Variants in LMOD3 observed in about 807,000 individuals in gnomAD.
LMOD3 encodes leiomodin 3.
LMOD3 carries 31 observed loss-of-function variants against 41.8 expected under a neutral mutation model. The ratio of observed to expected loss-of-function variants is 0.74; its 90% CI spans 0.56 to 1.00. LMOD3 has a LOEUF of 1.00. LMOD3 is among the 50% of genes least tolerant of loss of function. LMOD3 has a pLI of 0.00. For synonymous variants in LMOD3, 292 were observed against 241.9 expected, an observed-to-expected ratio of 1.21 and a Z score of -1.92; for missense variants, 755 against 679.5, an observed-to-expected ratio of 1.11 and a Z score of -1.23.
chr3:69,107,461 T>G lies in LMOD3; in HGVS notation c.*1634A>C, dbSNP rs901022630. The G allele has an allele frequency of 2.4e-5, 2 of 84,096 alleles. No individual in the cohort carries two copies. Among genetic ancestry groups the G allele is most frequent in the South Asian group, 4.7e-4 (1 of 2,148 alleles). The allele number at this position is 84,096 out of a possible 1,614,324, so 5.2% of individuals were successfully genotyped here. A position where few individuals can be genotyped will look rare whatever the true frequency, so the allele number is the denominator to read the frequency against. On this transcript the variant is annotated 3_prime_UTR_variant, in exon 3 of 3. Coordinates refer to ENST00000420581, the MANE Select transcript of LMOD3 (RefSeq NM_198271.5). ...GAGAAAAGGCACCAAAGGTTTTTTT[T>G]TTTTTTTTTTTTTTTTTTTTTTTTT...
rs373817195 is a variant in LMOD3 at position 69,106,693 on chromosome 3, A to ATTTT, written c.*2398_*2401dup. On this transcript the variant is annotated 3_prime_UTR_variant, in exon 3 of 3. Coordinates refer to ENST00000420581, the MANE Select transcript of LMOD3 (RefSeq NM_198271.5). ...AACAAATGCATAGGGGCTTTCTAGAATTTTTTTTTTTTTTTTGAGATGAGG... is the reference window on the plus strand; with the variant it reads ...AACAAATGCATAGGGGCTTTCTAGAATTTTTTTTTTTTTTTTTTTTGAGATGAGG... Among the ~76,000 whole-genome samples the ATTTT allele has an allele frequency of 7.9e-3, 1,090 of 137,686 alleles. 94 individuals carry two copies. The East Asian group carries it at 0.19, about 25-fold the overall frequency. 90.3% of individuals were successfully genotyped at this position (137,686 alleles called of 152,430 possible).
chr3:69,116,314 A>G (rs1027564005), intron 2 of LMOD3, among the ~76,000 whole-genome samples: 1 of 152,218 alleles, frequency 6.6e-6, no homozygotes, highest in African/African-American at 2.4e-5. Context: ...TAACTGAGAC[A>G]CATGCAAACA....
At chr3:69,110,285 A>C (rs1257633776) in intron 2 of LMOD3, among the ~76,000 whole-genome samples, 2 of 151,606 alleles carry the variant, frequency 1.3e-5, no homozygotes, top group Non-Finnish European at 2.9e-5. Flanking sequence ...GCTGGAGTGG[A>C]GTGGCATGAT....
intron 2 of LMOD3, among the ~76,000 whole-genome samples, chr3:69,110,132 C>T (rs2092341458): frequency 6.6e-6 from 1 of 152,110 alleles, no homozygotes; most frequent in Non-Finnish European, 1.5e-5. Flanking sequence ...CACCTGTAAT[C>T]CTGGCTACTC....
rs2092393189 is a variant in LMOD3 at position 69,119,175 on chromosome 3, G to T, written c.1180C>A (p.Gln394Lys). 1 of 1,613,714 alleles carries T rather than the reference G, an allele frequency of 6.2e-7. No homozygotes were observed. Among genetic ancestry groups the T allele is most frequent in the African/African-American group, 1.3e-5 (1 of 74,882 alleles). The change falls in exon 2 of 3, where the codon CAG (glutamine) becomes AAG (lysine). Residue 394 changes from glutamine (Q) to lysine (K), a missense_variant. Transcript: ENST00000420581. ...TGTCGTTTCTGCCTTTGTTTATCCT[G>T]ATTCCTGGTGAGCAGATTAGTGACC... ...MVVTNLLTRN[Q>K]DKQRQKRQEE...
At chr3:69,121,212 A>G (rs4855548) in intron 1 of LMOD3, among the ~76,000 whole-genome samples, 4,586 of 152,256 alleles carry the variant, frequency 0.03, 285 homozygotes, top group East Asian at 0.22. Flanking sequence ...AAAATCTGCA[A>G]ATTGTACCTT....
At chr3:69,112,494 A>G (rs1032097995) in intron 2 of LMOD3, among the ~76,000 whole-genome samples, 3 of 152,216 alleles carry the variant, frequency 2.0e-5, no homozygotes, top group African/African-American at 4.8e-5. Context: ...AGAGGTGTGG[A>G]CAAAAAAGGT....
At chr3:69,111,757 A>G (rs1349772026) in intron 2 of LMOD3, among the ~76,000 whole-genome samples, 2 of 152,192 alleles carry the variant, frequency 1.3e-5, no homozygotes, top group Non-Finnish European at 2.9e-5. Flanking sequence ...AATATTTTAA[A>G]AAGAAAATGT....
At position 69,107,462 on chromosome 3, in the gene LMOD3, T is replaced by TG. The variant is rs1559656833; in HGVS notation, c.*1632_*1633insC. ...AGAAAAGGCACCAAAGGTTTTTTTT[T>TG]TTTTTTTTTTTTTTTTTTTTTTTTT... On this transcript the variant is annotated 3_prime_UTR_variant, in exon 3 of 3. Coordinates refer to ENST00000420581, the MANE Select transcript of LMOD3 (RefSeq NM_198271.5). 15 of 86,102 alleles carry TG rather than the reference T, an allele frequency of 1.7e-4. No individual in the cohort carries two copies. The East Asian group carries it at 1.9e-3, about 11-fold the overall frequency. 5.3% of individuals were successfully genotyped at this position (86,102 alleles called of 1,614,324 possible).
rs764920392 is a variant in LMOD3, at chr3:69,115,519, A to ACACACACACACAC, written c.1656+3179_1656+3180insGTGTGTGTGTGTG. On this transcript the variant is annotated intron_variant, in intron 2 of 2. Coordinates refer to ENST00000420581, the MANE Select transcript of LMOD3 (RefSeq NM_198271.5). ...ACACACACACACACACACACACACA[A>ACACACACACACAC]AACTTTTCTAAGAAAAAAATTTGTT... is the stretch of plus-strand genomic sequence containing the variant. 9.4e-4 allele frequency among the ~76,000 whole-genome samples: 135 copies of ACACACACACACAC among 143,436 alleles called. 1 individual carries two copies. Among genetic ancestry groups the ACACACACACACAC allele is most frequent in the Middle Eastern group, 3.5e-3 (1 of 282 alleles). The allele number at this position is 143,436 out of a possible 152,430, so 94.1% of individuals were successfully genotyped here.
chr3:69,119,333 G>A lies in LMOD3; in HGVS notation c.1022C>T (p.Thr341Ile), dbSNP rs2092394425. ...MRCLQFNETL[T>I]ELRFHNQRHM... is the part of the protein sequence containing the mutation. ...CCTCTGATTGTGAAACCGAAGCTCA[G>A]TTAGCGTCTCATTAAACTGGAGACA... is the stretch of plus-strand genomic sequence containing the variant. Residue 341 changes from threonine (T) to isoleucine (I), a missense_variant, in exon 2 of 3, where the codon ACT becomes ATT. Thr to Ile is a moderately conservative substitution (Grantham distance 89). Coordinates refer to ENST00000420581, the MANE Select transcript of LMOD3 (RefSeq NM_198271.5). The A allele has an allele frequency of 1.2e-6, 2 of 1,613,802 alleles. No homozygotes were observed. The highest frequency in any genetic ancestry group is 2.7e-5 in the African/African-American group (2 of 74,902).
intron 2 of LMOD3, among the ~76,000 whole-genome samples, chr3:69,115,310 C>A (rs2092366517): frequency 6.6e-6 from 1 of 151,648 alleles, no homozygotes; most frequent in African/African-American, 2.4e-5. Context: ...AGTGAGATCT[C>A]ATCCCTACAA....
At chr3:69,111,457 A>G (rs2092349939) in intron 2 of LMOD3, among the ~76,000 whole-genome samples, 1 of 152,390 alleles carries the variant, frequency 6.6e-6, no homozygotes, top group African/African-American at 2.4e-5. Context: ...TGCAATAAAT[A>G]GTTAAAACAC....
chr3:69,118,673 C>A (rs374969869), intron 2 of LMOD3, 26 bp downstream of exon 2: 2 of 1,593,928 alleles, frequency 1.3e-6, no homozygotes, highest in Non-Finnish European at 1.7e-6. Context: ...GGTGCTCAGT[C>A]ACCATTTCTC....
chr3:69,120,668 C>G (rs1175159156), intron 1 of LMOD3, among the ~76,000 whole-genome samples: 2 of 150,486 alleles, frequency 1.3e-5, no homozygotes, highest in Admixed American at 1.3e-4. Flanking sequence ...TATTTAAAAC[C>G]TCAATTTTGA....
At position 69,107,427 on chromosome 3, in the gene LMOD3, TAAA is replaced by T. The variant is rs2092327535; in HGVS notation, c.*1665_*1667del. On this transcript the variant is annotated 3_prime_UTR_variant, in exon 3 of 3. Transcript: ENST00000420581. ...GGCAGGTGCCAATTATTTACTCAGG[TAAA>T]GAAGAGAGAAAAGGCACCAAAGGTT... 7.8e-6 allele frequency: 1 copy of T among 128,348 alleles called. No homozygotes were observed. Among genetic ancestry groups the T allele is most frequent in the African/African-American group, 2.9e-5 (1 of 34,466 alleles). The allele number at this position is 128,348 out of a possible 1,614,324, so 8.0% of individuals were successfully genotyped here.
Position 69,122,481 on chromosome 3 carries a change from AC to A in LMOD3, c.-96del, listed in dbSNP as rs1456488615. The A allele has an allele frequency of 1.1e-6, 1 of 947,374 alleles. No homozygotes were observed. The highest frequency in any genetic ancestry group is 2.9e-5 in the Admixed American group (1 of 34,842). The allele number at this position is 947,374 out of a possible 1,614,324, so 58.7% of individuals were successfully genotyped here. ...AAGCCTCAAGAAGGTCCCCCAGTTA[AC>A]GAGTGTCCCAAGTTAACACACCCTT... On this transcript the variant is annotated 5_prime_UTR_variant, in exon 1 of 3. Transcript: ENST00000420581.
At chr3:69,113,210 A>T (rs2092357387) in intron 2 of LMOD3, among the ~76,000 whole-genome samples, 2 of 152,216 alleles carry the variant, frequency 1.3e-5, no homozygotes, top group African/African-American at 4.8e-5. Flanking sequence ...ATAAGACAGA[A>T]AACTGGGAAC....
chr3:69,110,643 G>T (rs1166809109), intron 2 of LMOD3, among the ~76,000 whole-genome samples: 1 of 147,050 alleles, frequency 6.8e-6, no homozygotes, highest in Non-Finnish European at 1.5e-5. Flanking sequence ...AGGAGTTCAA[G>T]ACAAGCCTGG....
Sources: gnomAD v4.1 joint callset for allele counts (sites outside exome capture counted in the v4.1 genomes callset) on GRCh38, gnomAD v4.1.1 for gene constraint, MANE v1.5 for transcripts, NCBI Gene and HGNC (gene_info 2026-07-23, HGNC 2026-07-21) for gene names.